DGKG: variants seen among roughly 807,000 people sequenced by gnomAD.
The protein encoded by DGKG is DAG kinase gamma.
DGKG carries 78 observed loss-of-function variants against 105.3 expected under a neutral mutation model. The observed-to-expected ratio is 0.74, with a 90% CI of 0.62 to 0.89. The LOEUF is 0.89. DGKG is among the 40% of genes least tolerant of loss of function. The pLI is 0.00. For missense variants in DGKG, 958 were observed against 1,020.1 expected, an observed-to-expected ratio of 0.94 and a Z score of 0.83; for synonymous variants, 346 against 367.1, an observed-to-expected ratio of 0.94 and a Z score of 0.66.
chr3:186,244,670 G>T (rs982693294), intron 19 of DGKG, among the ~76,000 whole-genome samples: 1 of 152,168 alleles, frequency 6.6e-6, no homozygotes, highest in African/African-American at 2.4e-5. Context: ...GCCTCCCAAA[G>T]TGCTGAGATT....
chr3:186,174,499 G>T (rs779777215), intron 22 of DGKG, among the ~76,000 whole-genome samples: 1 of 152,182 alleles, frequency 6.6e-6, no homozygotes, highest in South Asian at 2.1e-4. Context: ...GCAGAGAGAC[G>T]GTAAAGAGCA....
chr3:186,274,197 T>G (rs34834004), intron 10 of DGKG, among the ~76,000 whole-genome samples: 62,746 of 151,798 alleles, frequency 0.41, 15,425 homozygotes, highest in East Asian at 0.6. Flanking sequence ...TTGTTTGTTT[T>G]TTGTTTTTGA....
At chr3:186,285,885 G>A (rs1205262611) in intron 6 of DGKG, among the ~76,000 whole-genome samples, 1 of 151,982 alleles carries the variant, frequency 6.6e-6, no homozygotes, top group Non-Finnish European at 1.5e-5. Flanking sequence ...CTCCATCTTG[G>A]TCAGGCTGGT....
At chr3:186,306,829 A>G (rs1381502261) in intron 3 of DGKG, 72 bp downstream of exon 3, 1 of 1,091,206 alleles carries the variant, frequency 9.2e-7, no homozygotes, top group Non-Finnish European at 1.4e-6. Context: ...GGAGTCTCCA[A>G]GAGGGAAACA....
chr3:186,193,296 T>A (rs980343155), intron 21 of DGKG, among the ~76,000 whole-genome samples: 2 of 152,182 alleles, frequency 1.3e-5, no homozygotes, highest in African/African-American at 4.8e-5. Context: ...TGATTCCAGG[T>A]TGTTTCCTTA....
intron 19 of DGKG, 89 bp downstream of exon 19, chr3:186,251,670 C>T (rs571396514): frequency 2.7e-6 from 4 of 1,489,106 alleles, no homozygotes; most frequent in Admixed American, 3.4e-5. Context: ...GACAGGTAGA[C>T]ACTAGGGACC....
chr3:186,299,470 T>C (rs1466021843), intron 3 of DGKG, among the ~76,000 whole-genome samples: 1 of 152,234 alleles, frequency 6.6e-6, no homozygotes, highest in Admixed American at 6.5e-5. Flanking sequence ...TTGGCTGTTC[T>C]ATCCGTCTCC....
At chr3:186,227,291 A>T (rs1204131272) in intron 20 of DGKG, among the ~76,000 whole-genome samples, 1 of 152,224 alleles carries the variant, frequency 6.6e-6, no homozygotes, top group Non-Finnish European at 1.5e-5. Flanking sequence ...ATAAACTTCA[A>T]ATCCATTGAT....
chr3:186,234,189 C>A (rs937495898), intron 20 of DGKG, among the ~76,000 whole-genome samples: 1 of 152,198 alleles, frequency 6.6e-6, no homozygotes, highest in Admixed American at 6.5e-5. Flanking sequence ...ATACGAAAAG[C>A]CTTTTAAATA....
intron 22 of DGKG, among the ~76,000 whole-genome samples, chr3:186,187,402 T>A (rs1578638826): frequency 6.6e-6 from 1 of 152,220 alleles, no homozygotes. Flanking sequence ...TCAAGGATGA[T>A]GCCAAGCGTT....
intron 3 of DGKG, among the ~76,000 whole-genome samples, chr3:186,304,255 G>A (rs1333116807): frequency 6.6e-6 from 1 of 152,222 alleles, no homozygotes; most frequent in Non-Finnish European, 1.5e-5. Context: ...TGGGGGTGGG[G>A]GGTGTGGGGC....
At chr3:186,173,511 T>C (rs1716927778) in intron 22 of DGKG, among the ~76,000 whole-genome samples, 1 of 152,244 alleles carries the variant, frequency 6.6e-6, no homozygotes, top group African/African-American at 2.4e-5. Flanking sequence ...TCAGGCCTCT[T>C]TGCAGACTTA....
chr3:186,299,827 T>TTCTTTCTC (rs1553815845), intron 3 of DGKG, among the ~76,000 whole-genome samples: 1 of 107,346 alleles, frequency 9.3e-6, no homozygotes, highest in Non-Finnish European at 2.0e-5. Flanking sequence ...CTTTCTTTCT[T>TTCTTTCTC]TCTTTCTTTC....
At chr3:186,177,460 G>C (rs780425343) in intron 22 of DGKG, among the ~76,000 whole-genome samples, 3 of 152,136 alleles carry the variant, frequency 2.0e-5, no homozygotes, top group Non-Finnish European at 2.9e-5. Context: ...CATGGTGCTG[G>C]GCAGCTGGGG....
Position 186,361,831 on chromosome 3 carries a change from G to T in DGKG, c.-249+115C>A, listed in dbSNP as rs1349010531. ...CGGGGTGGGCGCCGTGGCTTTGGCTGCAGCCCCTTCCCTGGCCGCGGGACC... is the reference window on the plus strand; with the variant it reads ...CGGGGTGGGCGCCGTGGCTTTGGCTTCAGCCCCTTCCCTGGCCGCGGGACC... On this transcript the variant is annotated intron_variant, in intron 1 of 24. Coordinates refer to ENST00000265022, the MANE Select transcript of DGKG (RefSeq NM_001346.3). This position sits in a 1 kb window ranked among gnomAD's most constrained non-coding sequence, Gnocchi z 6.8. 1.3e-5 allele frequency: 2 copies of T among 152,446 alleles called. No homozygotes were observed. Among genetic ancestry groups the T allele is most frequent in the African/African-American group, 2.4e-5 (1 of 41,364 alleles). The allele number at this position is 152,446 out of a possible 1,614,324, so 9.4% of individuals were successfully genotyped here.
chr3:186,237,243 G>C (rs547605322), intron 20 of DGKG, among the ~76,000 whole-genome samples: 1 of 152,186 alleles, frequency 6.6e-6, no homozygotes, highest in Admixed American at 6.5e-5. Context: ...TAATTCCTCT[G>C]TCCTTGCCAG....
intron 3 of DGKG, among the ~76,000 whole-genome samples, chr3:186,305,880 T>G (rs1348931144): frequency 1.3e-5 from 2 of 152,186 alleles, no homozygotes; most frequent in African/African-American, 4.8e-5. Flanking sequence ...TGGAGTAGAC[T>G]GCTGGAAAAA....
intron 2 of DGKG, among the ~76,000 whole-genome samples, chr3:186,316,161 C>T (rs1724808941): frequency 6.6e-6 from 1 of 152,254 alleles, no homozygotes; most frequent in South Asian, 2.1e-4. Context: ...AAGGTCCAAA[C>T]ACTGTGGAGC....
intron 10 of DGKG, among the ~76,000 whole-genome samples, chr3:186,274,978 G>A (rs1722510835): frequency 6.6e-6 from 1 of 152,102 alleles, no homozygotes; most frequent in Non-Finnish European, 1.5e-5. Flanking sequence ...CTTCCACAAT[G>A]GTTGAACTAG....
Sources: allele counts gnomAD v4.1 joint callset (sites outside exome capture counted in the v4.1 genomes callset), GRCh38; gene constraint gnomAD v4.1.1; non-coding constraint Gnocchi (gnomAD v3.1); transcripts MANE v1.5; gene names NCBI Gene and HGNC (gene_info 2026-07-23, HGNC 2026-07-21).